C16orf46: variants seen among roughly 807,000 people sequenced by gnomAD.
The protein encoded by C16orf46 is uncharacterized protein C16orf46.
In C16orf46, 7 loss-of-function variants were observed where a neutral mutation model predicts 5.5. The ratio of observed to expected loss-of-function variants is 1.28; its 90% CI spans 0.73 to 2.40. The LOEUF (loss-of-function observed/expected upper bound fraction) is 2.40. Among genes scored for constraint, C16orf46 ranks in the 30% most tolerant of loss-of-function variants. The pLI is 0.00. For synonymous variants in C16orf46, 200 were observed against 184.1 expected (o/e 1.09, Z -0.70); for missense variants, 614 against 476.0 (o/e 1.29, Z -2.70).
downstream of C16orf46, among the ~76,000 whole-genome samples, chr16:81,056,928 G>A (rs1413178687): frequency 3.9e-5 from 6 of 152,074 alleles, no homozygotes; most frequent in Non-Finnish European, 7.3e-5. Context: ...AAAGGCGGTG[G>A]GCTCCAGATT....
At chr16:81,069,696 A>T (rs926687884) in intron 1 of C16orf46, among the ~76,000 whole-genome samples, 1 of 152,212 alleles carries the variant, frequency 6.6e-6, no homozygotes, top group Non-Finnish European at 1.5e-5. Context: ...ATCTACTGTG[A>T]ATGTCACTAC....
At chr16:81,066,310 T>C (rs1377806827) in intron 1 of C16orf46, 29 bp from the exon 2 acceptor site, 1 of 152,120 alleles carries the variant, frequency 6.6e-6, no homozygotes, top group East Asian at 1.9e-4. Context: ...AGTTAGTGGA[T>C]AGGAAAGTTG....
downstream of C16orf46, among the ~76,000 whole-genome samples, chr16:81,057,098 C>G (rs1000953187): frequency 6.6e-6 from 1 of 152,100 alleles, no homozygotes; most frequent in African/African-American, 2.4e-5. Context: ...AATGCACATA[C>G]AGGCCCATCA....
At chr16:81,066,480 C>T in intron 1 of C16orf46, among the ~76,000 whole-genome samples, 199 bp from the exon 2 acceptor site, 1 of 152,216 alleles carries the variant, frequency 6.6e-6, no homozygotes, top group Non-Finnish European at 1.5e-5. Context: ...GCTAAGACTA[C>T]AGGCGCCTGC....
chr16:81,067,128 T>C (rs1314548527), intron 1 of C16orf46, among the ~76,000 whole-genome samples: 3 of 152,076 alleles, frequency 2.0e-5, no homozygotes, highest in Non-Finnish European at 4.4e-5. Flanking sequence ...GAAAGAAAGA[T>C]GGTGAATGAG....
intron 1 of C16orf46, among the ~76,000 whole-genome samples, chr16:81,074,939 T>C (rs1255289270): frequency 6.6e-6 from 1 of 152,194 alleles, no homozygotes; most frequent in Non-Finnish European, 1.5e-5. Flanking sequence ...AACTCTGACT[T>C]CCCACAGTTT....
At chr16:81,075,029 C>T (rs899986971) in intron 1 of C16orf46, among the ~76,000 whole-genome samples, 17 of 152,140 alleles carry the variant, frequency 1.1e-4, no homozygotes, top group Admixed American at 7.2e-4. Flanking sequence ...CGGATAAAGA[C>T]GTTGAGAAGG....
intron 1 of C16orf46, among the ~76,000 whole-genome samples, chr16:81,071,270 G>T (rs1971843665): frequency 6.6e-6 from 1 of 152,172 alleles, no homozygotes; most frequent in Non-Finnish European, 1.5e-5. Flanking sequence ...AGCTCCAAGT[G>T]GCCCAGTCAA....
chr16:81,057,336 G>C (rs1053426411), downstream of C16orf46, among the ~76,000 whole-genome samples: 4 of 151,976 alleles, frequency 2.6e-5, no homozygotes, highest in Non-Finnish European at 4.4e-5. Context: ...ATCATTTGAG[G>C]TCAGGAGTTT....
intron 1 of C16orf46, among the ~76,000 whole-genome samples, chr16:81,068,243 A>C (rs898766375): frequency 6.6e-6 from 1 of 152,234 alleles, no homozygotes; most frequent in Non-Finnish European, 1.5e-5. Context: ...CCTGAAATGA[A>C]CAAAGACAAC....
At chr16:81,059,341 A>AT (rs1971395647), downstream of C16orf46, among the ~76,000 whole-genome samples, 1 of 151,510 alleles carries the variant, frequency 6.6e-6, no homozygotes, top group African/African-American at 2.4e-5. Flanking sequence ...AAAAAAAAAA[A>AT]ACCCTAGGCA....
chr16:81,076,393 T>C (rs1049633126), intron 1 of C16orf46: 2 of 152,224 alleles, frequency 1.3e-5, no homozygotes, highest in African/African-American at 4.8e-5. Context: ...TTGTTAATTA[T>C]ATGTGCCTTC....
intron 1 of C16orf46, among the ~76,000 whole-genome samples, chr16:81,069,195 G>T (rs1205937102): frequency 6.6e-6 from 1 of 152,170 alleles, no homozygotes; most frequent in Non-Finnish European, 1.5e-5. Flanking sequence ...GGGTACACTT[G>T]AATTAGGAGG....
At chr16:81,077,012 A>G (rs573975270) in intron 1 of C16orf46, 124 bp downstream of exon 1, 7 of 152,432 alleles carry the variant, frequency 4.6e-5, no homozygotes, top group Admixed American at 2.6e-4. Flanking sequence ...GCCCCGGCAC[A>G]TAGTGCCTCT....
At position 81,061,939 on chromosome 16, in the gene C16orf46, G is replaced by T. The variant is rs1744676208; in HGVS notation, c.410C>A (p.Pro137His). The T allele has an allele frequency of 1.2e-6, 2 of 1,614,094 alleles. No homozygotes were observed. The highest frequency in any genetic ancestry group is 1.7e-6 in the Non-Finnish European group (2 of 1,180,048). The change falls in exon 4 of 4, where the codon CCC (proline) becomes CAC (histidine). Residue 137 changes from proline (P) to histidine (H), a missense_variant. By Grantham distance (77) the Pro-to-His change is moderately conservative. Transcript: ENST00000299578. ...CCTGGAAGCAGTGCTGGGGCCCTGG[G>T]GGGCTGCCTGAGTCTGGGAGGGGCT... is the stretch of plus-strand genomic sequence containing the variant. ...QSSPSQTQAA[P>H]QGPSTASRAI...
At chr16:81,072,691 T>C (rs956507220) in intron 1 of C16orf46, among the ~76,000 whole-genome samples, 1 of 151,528 alleles carries the variant, frequency 6.6e-6, no homozygotes, top group Non-Finnish European at 1.5e-5. Context: ...CCCTAGTTTT[T>C]ATTTTTTTAT....
intron 2 of C16orf46, among the ~76,000 whole-genome samples, chr16:81,064,363 A>AC (rs556930893): frequency 0.034 from 408 of 11,884 alleles, 2 homozygotes; most frequent in African/African-American, 0.074. Flanking sequence ...ATTACATCTC[A>AC]AAAAAAAAAA....
downstream of C16orf46, among the ~76,000 whole-genome samples, chr16:81,056,865 T>G (rs1276949605): frequency 6.6e-6 from 1 of 152,092 alleles, no homozygotes; most frequent in Non-Finnish European, 1.5e-5. Context: ...CCTTCACACC[T>G]GCACCAAGGC....
chr16:81,073,696 A>G (rs1971932292), intron 1 of C16orf46, among the ~76,000 whole-genome samples: 1 of 152,238 alleles, frequency 6.6e-6, no homozygotes, highest in Non-Finnish European at 1.5e-5. Context: ...CAGAAGTCAG[A>G]GATACAAAGC....
Sources: gnomAD v4.1 joint callset for allele counts (sites outside exome capture counted in the v4.1 genomes callset) on GRCh38, gnomAD v4.1.1 for gene constraint, MANE v1.5 for transcripts, NCBI Gene and HGNC (gene_info 2026-07-23, HGNC 2026-07-21) for gene names.